The following ABTB3 variants were observed in gnomAD, a reference collection of about 807,000 sequenced individuals.
ABTB3 encodes ankyrin repeat- and BTB/POZ domain-containing protein 3.
chr12:107,515,614 C>T, the ABTB3 span, among the ~76,000 whole-genome samples: 1 of 152,208 alleles, frequency 6.6e-6, no homozygotes, highest in African/African-American at 2.4e-5. Flanking sequence ...GACTTAGCCT[C>T]TGACTTAATG....
chr12:107,564,300 C>G, the ABTB3 span, among the ~76,000 whole-genome samples: 9 of 152,172 alleles, frequency 5.9e-5, no homozygotes, highest in Non-Finnish European at 1.2e-4. Context: ...CCCATCCCAG[C>G]TTTAGAGAGC....
At chr12:107,321,622 CACACACACAT>C in the ABTB3 span, among the ~76,000 whole-genome samples, 20 of 89,140 alleles carry the variant, frequency 2.2e-4, no homozygotes, top group East Asian at 1.4e-3. Flanking sequence ...CACACACACA[CACACACACAT>C]CCTGAAATAT....
At chr12:107,422,706 T>C in the ABTB3 span, among the ~76,000 whole-genome samples, 73 of 152,376 alleles carry the variant, frequency 4.8e-4, no homozygotes, top group African/African-American at 1.7e-3. Context: ...TATGCCTCTT[T>C]TGTGCAAAGC....
the ABTB3 span, among the ~76,000 whole-genome samples, chr12:107,460,877 C>T: frequency 6.6e-6 from 1 of 152,002 alleles, no homozygotes; most frequent in Admixed American, 6.5e-5. Context: ...CCCCCTGGAA[C>T]CTCAGAATAT....
the ABTB3 span, among the ~76,000 whole-genome samples, chr12:107,425,061 G>T: frequency 6.6e-6 from 1 of 152,088 alleles, no homozygotes; most frequent in East Asian, 1.9e-4. Context: ...TCGATTGCCT[G>T]CCATGGCTCC....
the ABTB3 span, among the ~76,000 whole-genome samples, chr12:107,354,817 A>G: frequency 6.6e-6 from 1 of 152,124 alleles, no homozygotes. Context: ...GTGGTGTCTC[A>G]GTGAAGTCTG....
At chr12:107,455,115 A>G in the ABTB3 span, among the ~76,000 whole-genome samples, 1 of 152,246 alleles carries the variant, frequency 6.6e-6, no homozygotes, top group African/African-American at 2.4e-5. Context: ...ATGGAAGAGG[A>G]CAGTGGGGTC....
the ABTB3 span, among the ~76,000 whole-genome samples, chr12:107,595,303 T>C: frequency 3.0e-4 from 45 of 152,146 alleles, no homozygotes; most frequent in African/African-American, 1.0e-3. Flanking sequence ...ATGGGATCTG[T>C]TTCTAGAATA....
the ABTB3 span, among the ~76,000 whole-genome samples, chr12:107,376,484 T>C: frequency 7.5e-4 from 114 of 152,322 alleles, no homozygotes; most frequent in African/African-American, 2.6e-3. Flanking sequence ...ATATTCACCC[T>C]AACACCTCAC....
chr12:107,343,404 T>C, the ABTB3 span, among the ~76,000 whole-genome samples: 1 of 152,208 alleles, frequency 6.6e-6, no homozygotes, highest in African/African-American at 2.4e-5. Context: ...CAAATGCATG[T>C]ATTCACTTAT....
the ABTB3 span, among the ~76,000 whole-genome samples, chr12:107,336,962 T>G: frequency 6.6e-6 from 1 of 152,256 alleles, no homozygotes; most frequent in Non-Finnish European, 1.5e-5. Context: ...GGAGTCTTCC[T>G]GCATATTTCT....
At chr12:107,644,972 C>CTTTTTTTTTTTTTTT in the ABTB3 span, among the ~76,000 whole-genome samples, 3 of 127,196 alleles carry the variant, frequency 2.4e-5, no homozygotes, top group Non-Finnish European at 4.8e-5. Flanking sequence ...TCAAAATTCA[C>CTTTTTTTTTTTTTTT]TTTTTTTTTT....
the ABTB3 span, among the ~76,000 whole-genome samples, chr12:107,579,016 T>C: frequency 1.3e-5 from 2 of 152,194 alleles, no homozygotes; most frequent in Non-Finnish European, 2.9e-5. Flanking sequence ...GAGTTTACAT[T>C]CTAATGGGGC....
the ABTB3 span, among the ~76,000 whole-genome samples, chr12:107,506,209 A>G: frequency 1.3e-5 from 2 of 152,258 alleles, no homozygotes; most frequent in Non-Finnish European, 2.9e-5. Context: ...TAAAATTACC[A>G]GAAGAAAACA....
the ABTB3 span, among the ~76,000 whole-genome samples, chr12:107,465,912 T>C: frequency 6.6e-6 from 1 of 152,178 alleles, no homozygotes; most frequent in Non-Finnish European, 1.5e-5. Flanking sequence ...GGAGTAGTCT[T>C]CATTTATCAT....
chr12:107,531,680 C>T, the ABTB3 span, among the ~76,000 whole-genome samples: 3 of 152,114 alleles, frequency 2.0e-5, no homozygotes, highest in Non-Finnish European at 4.4e-5. Context: ...TGCCTGGAGT[C>T]CAGGAAACTG....
chr12:107,355,950 T>C, the ABTB3 span, among the ~76,000 whole-genome samples: 2 of 152,252 alleles, frequency 1.3e-5, no homozygotes, highest in Non-Finnish European at 2.9e-5. Flanking sequence ...ATTTAGCTAA[T>C]GTTTTTTATT....
At chr12:107,337,116 T>C in the ABTB3 span, among the ~76,000 whole-genome samples, 3 of 152,276 alleles carry the variant, frequency 2.0e-5, no homozygotes, top group Admixed American at 2.0e-4. Flanking sequence ...GAAAGCTGTG[T>C]CTGCATAGAC....
the ABTB3 span, among the ~76,000 whole-genome samples, chr12:107,623,139 C>A: frequency 1.4e-5 from 2 of 146,522 alleles, no homozygotes; most frequent in African/African-American, 5.1e-5. Context: ...CGGCTCACTG[C>A]AACCTCTGCC....
Sources: gnomAD v4.1 joint callset for allele counts (sites outside exome capture counted in the v4.1 genomes callset) on GRCh38, gnomAD v4.1.1 for gene constraint, MANE v1.5 for transcripts, NCBI Gene and HGNC (gene_info 2026-07-23, HGNC 2026-07-21) for gene names.